The following OPCML variants were observed in gnomAD, a reference collection of about 807,000 sequenced individuals.
The protein encoded by OPCML is opioid binding protein/cell adhesion molecule like.
A neutral mutation model predicts 37.8 loss-of-function variants in OPCML; 13 were observed. The ratio of observed to expected loss-of-function variants is 0.34; its 90% confidence interval spans 0.22 to 0.55. The LOEUF (loss-of-function observed/expected upper bound fraction) is 0.55, where lower values mean the gene tolerates loss of function less well. Ranked by LOEUF, OPCML falls within the 20% of genes least tolerant of loss-of-function variation. The pLI is 0.91. For missense variants in OPCML, 341 were observed against 435.6 expected (o/e 0.78, Z 1.93); for synonymous variants, 176 against 168.8 (o/e 1.04, Z -0.33).
At chr11:133,304,300 A>T (rs1592183924) in intron 1 of OPCML, among the ~76,000 whole-genome samples, 1 of 152,220 alleles carries the variant, frequency 6.6e-6, no homozygotes. Flanking sequence ...GAATAATCAC[A>T]TATAACATTT....
intron 1 of OPCML, among the ~76,000 whole-genome samples, chr11:133,202,560 C>T (rs1938844517): frequency 6.6e-6 from 1 of 152,242 alleles, no homozygotes; most frequent in East Asian, 1.9e-4. Context: ...CGCCCTCCCT[C>T]ATTTTGCCCA....
At chr11:132,555,967 C>A (rs1462916421) in intron 3 of OPCML, among the ~76,000 whole-genome samples, 1 of 151,968 alleles carries the variant, frequency 6.6e-6, no homozygotes, top group Non-Finnish European at 1.5e-5. Flanking sequence ...GAGACAGGGT[C>A]TCCTTCTGTC....
chr11:133,168,036 AG>A (rs1404018985), intron 1 of OPCML, among the ~76,000 whole-genome samples: 1 of 152,214 alleles, frequency 6.6e-6, no homozygotes, highest in African/African-American at 2.4e-5. Context: ...GAAAACTAAA[AG>A]GTGTGTCAAT....
At chr11:132,937,563 T>G (rs12807969) in intron 2 of OPCML, among the ~76,000 whole-genome samples, 43,120 of 146,732 alleles carry the variant, frequency 0.29, 6,665 homozygotes, top group South Asian at 0.47. Flanking sequence ...TGTGTGTGTG[T>G]CGTGTGTGTG....
intron 1 of OPCML, among the ~76,000 whole-genome samples, chr11:133,084,434 G>C (rs2137039812): frequency 6.6e-6 from 1 of 152,352 alleles, no homozygotes; most frequent in East Asian, 1.9e-4. Context: ...TTAAGCTTCA[G>C]CTGAGAGATT....
chr11:132,810,293 T>G (rs932955067), intron 2 of OPCML, among the ~76,000 whole-genome samples: 2 of 152,176 alleles, frequency 1.3e-5, no homozygotes, highest in Non-Finnish European at 1.5e-5. Flanking sequence ...ATCCTTTCTG[T>G]TAGATGTTCA....
chr11:133,313,728 A>C (rs1201756738), intron 1 of OPCML, among the ~76,000 whole-genome samples: 1 of 152,196 alleles, frequency 6.6e-6, no homozygotes, highest in Non-Finnish European at 1.5e-5. Context: ...CTTCTCCTAG[A>C]GTCCCAGAAA....
intron 1 of OPCML, among the ~76,000 whole-genome samples, chr11:132,987,089 T>C (rs1946693632): frequency 6.6e-6 from 1 of 152,166 alleles, no homozygotes; most frequent in Non-Finnish European, 1.5e-5. Context: ...TCACCTCTTC[T>C]TTCGACAACA....
chr11:133,435,234 C>G (rs982824309), intron 1 of OPCML, among the ~76,000 whole-genome samples: 4 of 152,048 alleles, frequency 2.6e-5, no homozygotes, highest in Non-Finnish European at 5.9e-5. Flanking sequence ...TGATGAAGGT[C>G]TCAGGGTATA....
At chr11:133,229,980 G>A (rs950032413) in intron 1 of OPCML, among the ~76,000 whole-genome samples, 1 of 152,092 alleles carries the variant, frequency 6.6e-6, no homozygotes, top group South Asian at 2.1e-4. Context: ...CGTGCCCAAG[G>A]CAATAGCTTG....
At chr11:133,322,237 CAGCCACTG>C (rs1400330171) in intron 1 of OPCML, among the ~76,000 whole-genome samples, 12 of 152,162 alleles carry the variant, frequency 7.9e-5, no homozygotes, top group Non-Finnish European at 1.3e-4. Flanking sequence ...ATTCTCTAAG[CAGCCACTG>C]ACTGATGGTA....
At chr11:132,424,687 C>T (rs1004144355) in intron 7 of OPCML, among the ~76,000 whole-genome samples, 3 of 152,276 alleles carry the variant, frequency 2.0e-5, no homozygotes, top group Non-Finnish European at 4.4e-5. Flanking sequence ...AGGCAAGATA[C>T]TTCCTGTTTT....
chr11:133,397,098 T>A (rs1237237649), intron 1 of OPCML, among the ~76,000 whole-genome samples: 1 of 152,154 alleles, frequency 6.6e-6, no homozygotes, highest in African/African-American at 2.4e-5. Context: ...AACTGAAGAG[T>A]TGCAATTACT....
chr11:132,922,141 GT>G (rs1286638571), intron 2 of OPCML, among the ~76,000 whole-genome samples: 2 of 152,036 alleles, frequency 1.3e-5, no homozygotes, highest in African/African-American at 2.4e-5. Context: ...GCCTCCCAAA[GT>G]GCTGGAATTA....
chr11:132,859,649 C>A (rs187612107), intron 2 of OPCML: 1 of 152,318 alleles, frequency 6.6e-6, no homozygotes, highest in African/African-American at 2.4e-5. Flanking sequence ...CTTTGCCAGA[C>A]GGAGCTTTCT....
chr11:133,376,996 A>G (rs77590704), intron 1 of OPCML, among the ~76,000 whole-genome samples: 3,893 of 152,300 alleles, frequency 0.026, 94 homozygotes, highest in African/African-American at 0.07. Context: ...GGGAAGAAAA[A>G]GAAAAGAGAT....
At chr11:132,636,787 G>C (rs1784173) in intron 3 of OPCML, among the ~76,000 whole-genome samples, 1 of 151,982 alleles carries the variant, frequency 6.6e-6, no homozygotes, top group African/African-American at 2.4e-5. Context: ...ACACTGGGAG[G>C]CTCGGGGATA....
At chr11:133,412,511 C>T (rs190604393) in intron 1 of OPCML, among the ~76,000 whole-genome samples, 3 of 152,292 alleles carry the variant, frequency 2.0e-5, no homozygotes, top group Non-Finnish European at 4.4e-5. Context: ...CATCATCAAC[C>T]TCATGATAGC....
At chr11:132,689,933 G>A (rs1039682018) in intron 2 of OPCML, among the ~76,000 whole-genome samples, 2 of 152,128 alleles carry the variant, frequency 1.3e-5, no homozygotes, top group African/African-American at 4.8e-5. Context: ...AAAACTATGG[G>A]AGTGCTCATA....
Sources: gnomAD v4.1 joint callset for allele counts (sites outside exome capture counted in the v4.1 genomes callset) on GRCh38, gnomAD v4.1.1 for gene constraint, MANE v1.5 for transcripts, NCBI Gene and HGNC (gene_info 2026-07-23, HGNC 2026-07-21) for gene names.